Variants in DNAJC19 observed in about 807,000 individuals in gnomAD.
DNAJC19 encodes DnaJ heat shock protein family (Hsp40) member C19.
Under a neutral mutation model 19.8 loss-of-function variants are expected in DNAJC19, and 15 were observed. The ratio of observed to expected loss-of-function variants is 0.76; its 90% CI spans 0.51 to 1.17. The LOEUF (loss-of-function observed/expected upper bound fraction) is 1.17. DNAJC19 is among the 50% of genes most tolerant of loss of function. DNAJC19 has a pLI of 0.00. For missense variants in DNAJC19, 105 were observed against 140.9 expected, an observed-to-expected ratio of 0.75 and a Z score of 1.29; for synonymous variants, 38 against 42.1, an observed-to-expected ratio of 0.90 and a Z score of 0.38.
chr3:180,988,009 TAAC>T lies in DNAJC19; in HGVS notation c.129+11_129+13del. On this transcript the variant is annotated intron_variant, in intron 3 of 5. Coordinates refer to ENST00000382564, the MANE Select transcript of DNAJC19 (RefSeq NM_145261.4). ...GTTTCAAATAGAAGCAGCAAAGAATTAACAAAGTCTTACAGATTTTGGTAGGCT... is the reference window on the plus strand; with the variant it reads ...GTTTCAAATAGAAGCAGCAAAGAATTAAAGTCTTACAGATTTTGGTAGGCT... 6.2e-7 allele frequency: 1 copy of T among 1,614,072 alleles called. No individual in the cohort carries two copies. The highest frequency in any genetic ancestry group is 8.5e-7 in the Non-Finnish European group (1 of 1,179,940).
At chr3:180,987,434 G>A in intron 3 of DNAJC19, 1 of 255,318 alleles carries the variant, frequency 3.9e-6, no homozygotes, top group South Asian at 4.8e-5. Context: ...TATATATACA[G>A]AAAATACCAC....
intron 3 of DNAJC19, 31 bp downstream of exon 3, chr3:180,987,991 AT>A: frequency 6.2e-7 from 1 of 1,613,046 alleles, no homozygotes; most frequent in Non-Finnish European, 8.5e-7. Flanking sequence ...TAGGTTTCAA[AT>A]AGAAGCAGCA....
chr3:180,989,124 A>G lies in DNAJC19; in HGVS notation c.3+476T>C, dbSNP rs143411366. On this transcript the variant is annotated intron_variant, in intron 1 of 5. Transcript: ENST00000382564. ...TTCGAGGCTAAACGTGGGCTAAACT[A>G]GGAGACTAATACCTTTGGCACTGCC... is the stretch of plus-strand genomic sequence containing the variant. Among the ~76,000 whole-genome samples the G allele has an allele frequency of 6.5e-3, 993 of 152,284 alleles. 5 individuals are homozygous for G. Among genetic ancestry groups the G allele is most frequent in the Non-Finnish European group, 9.6e-3 (653 of 68,020 alleles).
upstream of DNAJC19, chr3:180,989,754 A>T: frequency 1.6e-6 from 2 of 1,284,080 alleles, no homozygotes; most frequent in Non-Finnish European, 2.2e-6. Flanking sequence ...GCAGCCGCAA[A>T]CTAGGCCGGA....
At chr3:180,989,436 A>C in intron 1 of DNAJC19, 164 bp downstream of exon 1, 1 of 1,474,972 alleles carries the variant, frequency 6.8e-7, no homozygotes, top group Non-Finnish European at 9.0e-7. Flanking sequence ...CAAGAGAGCG[A>C]GCCAACAGGG....
chr3:180,987,719 C>T (rs1356169235), intron 3 of DNAJC19: 3 of 415,626 alleles, frequency 7.2e-6, no homozygotes, highest in Non-Finnish European at 1.4e-5. Flanking sequence ...CGATGCAGAG[C>T]AGATGAAGGA....
In DNAJC19 at chr3:180,988,031, G is replaced by A; in HGVS notation, c.121C>T (p.Pro41Ser). 1 of 1,614,110 alleles carries A rather than the reference G, an allele frequency of 6.2e-7. No homozygotes were observed. Among genetic ancestry groups the A allele is most frequent in the South Asian group, 1.1e-5 (1 of 91,072 alleles). ...AATTAACAAAGTCTTACAGATTTTG[G>A]TAGGCTTTGAAAAACTTGTTTTACT... ...PQVKQVFQSL[P>S]KSAFSGGYYR... The change falls in exon 3 of 6, where the codon CCA (proline) becomes TCA (serine). Residue 41 changes from proline (P) to serine (S), a missense_variant. Pro to Ser is a moderately conservative substitution (Grantham distance 74, BLOSUM62 -1). Transcript: ENST00000382564.
intron 3 of DNAJC19, 106 bp downstream of exon 3, chr3:180,987,917 G>C: frequency 7.3e-7 from 1 of 1,360,718 alleles, no homozygotes; most frequent in Non-Finnish European, 1.0e-6. Flanking sequence ...AGGAGAATGG[G>C]TCCAAAGCAA....
Position 180,984,690 on chromosome 3 carries a change from CT to C in DNAJC19, c.300del (p.Ala101ProfsTer10), listed in dbSNP as rs587777224. The C allele has an allele frequency of 3.4e-5, 55 of 1,608,072 alleles. No individual in the cohort carries two copies. The highest frequency in any genetic ancestry group is 1.7e-6 in the Non-Finnish European group (2 of 1,176,050). On this transcript the variant is annotated frameshift_variant, in exon 6 of 6. Coordinates refer to ENST00000382564, the MANE Select transcript of DNAJC19 (RefSeq NM_145261.4). LOFTEE classifies it high-confidence loss of function. ...AAATCTTTAGCTTCATTGATTTTGG[CT>C]GCTATATAAGGAGATCCTCCTATAG... ...HPDKGGSPYI[A>X]AKINEAKDLL... is the part of the protein sequence containing the mutation.
rs1047323892 is a variant in DNAJC19 at position 180,984,156 on chromosome 3, T to G, written c.*484A>C. The G allele has an allele frequency of 2.2e-6, 1 of 454,012 alleles. No homozygotes were observed. The highest frequency in any genetic ancestry group is 2.0e-5 in the African/African-American group (1 of 50,022). 28.1% of individuals were successfully genotyped at this position (454,012 alleles called of 1,614,324 possible). ...GGTCTCAGTTGTGGTTAAATTCACT[T>G]TTAAATACAAGGTTCCAAGTATCCA... is the stretch of plus-strand genomic sequence containing the variant. On this transcript the variant is annotated 3_prime_UTR_variant, in exon 6 of 6. Transcript: ENST00000382564.
At position 180,986,291 on chromosome 3, in the gene DNAJC19, T is replaced by TG. The variant is rs113348683; in HGVS notation, c.210-296_210-295insC. Among the ~76,000 whole-genome samples, 4,773 of 151,766 alleles carry TG rather than the reference T, an allele frequency of 0.031. 263 individuals are homozygous for TG. The highest frequency in any genetic ancestry group is 0.11 in the African/African-American group (4,535 of 41,374). Reference sequence around the variant, plus strand: ...AATGAAGAAGGAAGAGTTTTGTTTTTTTTTTTTTTTGAGATAGTCTCACTC... The same window carrying TG: ...AATGAAGAAGGAAGAGTTTTGTTTTTGTTTTTTTTTTGAGATAGTCTCACTC... On this transcript the variant is annotated intron_variant, in intron 4 of 5. Coordinates refer to ENST00000382564, the MANE Select transcript of DNAJC19 (RefSeq NM_145261.4).
intron 1 of DNAJC19, among the ~76,000 whole-genome samples, chr3:180,988,790 C>T (rs1471578141): frequency 1.3e-5 from 2 of 150,890 alleles, no homozygotes; most frequent in East Asian, 3.9e-4. Flanking sequence ...ATCACTAGGT[C>T]GGGAGATCGA....
In DNAJC19 at chr3:180,985,930, G is replaced by T; in HGVS notation, c.276C>A (p.Asp92Glu). The change falls in exon 5 of 6, where the codon GAC (aspartate) becomes GAA (glutamate). Residue 92 changes from aspartate to glutamate, a missense_variant. Transcript: ENST00000382564. ...GAGAATTTAATGACTACTTACCTTT[G>T]TCAGGATGATTTAAAAGCATAATTC... is the stretch of plus-strand genomic sequence containing the variant. ...HRRIMLLNHP[D>E]KGGSPYIAAK... 2 of 1,612,916 alleles carry T rather than the reference G, an allele frequency of 1.2e-6. No individual in the cohort carries two copies. Among genetic ancestry groups the T allele is most frequent in the Non-Finnish European group, 1.7e-6 (2 of 1,179,260 alleles).
rs1456056655 is a variant in DNAJC19, at chr3:180,989,691, G to A, written c.-89C>T. ...CCAACACCTGCACGCCTTTACCAGA[G>A]AGCGACGCAACCCCCAACCTCAAGC... is the stretch of plus-strand genomic sequence containing the variant. On this transcript the variant is annotated 5_prime_UTR_variant, in exon 1 of 6. Coordinates refer to ENST00000382564, the MANE Select transcript of DNAJC19 (RefSeq NM_145261.4). 22 of 1,549,060 alleles carry A rather than the reference G, an allele frequency of 1.4e-5. No homozygotes were observed. The highest frequency in any genetic ancestry group is 1.7e-5 in the Non-Finnish European group (19 of 1,147,196).
chr3:180,987,106 A>C, intron 3 of DNAJC19, 84 bp from the exon 4 acceptor site: 1 of 1,188,636 alleles, frequency 8.4e-7, no homozygotes, highest in East Asian at 2.3e-5. Context: ...TCACAGAACT[A>C]AGAAAAACTA....
At position 180,983,862 on chromosome 3, in the gene DNAJC19, T is replaced by C. The variant is rs1714745252; in HGVS notation, c.*778A>G. ...GCAGAAGTTTGATTATGTCAAGAAA[T>C]AGCCAACTGAAGGAATAATTTATAA... On this transcript the variant is annotated 3_prime_UTR_variant, in exon 6 of 6. Transcript: ENST00000382564. 2.2e-6 allele frequency: 1 copy of C among 453,878 alleles called. No individual in the cohort carries two copies. The highest frequency in any genetic ancestry group is 4.4e-6 in the Non-Finnish European group (1 of 226,750). The allele number at this position is 453,878 out of a possible 1,614,324, so 28.1% of individuals were successfully genotyped here.
intron 1 of DNAJC19, among the ~76,000 whole-genome samples, chr3:180,988,862 T>G (rs780332549): frequency 1.3e-4 from 20 of 150,762 alleles, no homozygotes; most frequent in Non-Finnish European, 1.8e-4. Context: ...AAAAAAAAAT[T>G]AGCTGGGCGT....
chr3:180,988,989 C>T (rs1278949645), intron 1 of DNAJC19, among the ~76,000 whole-genome samples: 1 of 146,212 alleles, frequency 6.8e-6, no homozygotes, highest in East Asian at 2.0e-4. Context: ...GCCTAGGCGA[C>T]CGAGCAAGAC....
intron 4 of DNAJC19, 67 bp from the exon 5 acceptor site, chr3:180,986,063 A>C: frequency 7.7e-7 from 1 of 1,290,632 alleles, no homozygotes; most frequent in Non-Finnish European, 1.1e-6. Flanking sequence ...ACTGTACATA[A>C]AGGCCAATTA....
Sources: gnomAD v4.1 joint callset for allele counts (sites outside exome capture counted in the v4.1 genomes callset) on GRCh38, gnomAD v4.1.1 for gene constraint, MANE v1.5 for transcripts, NCBI Gene and HGNC (gene_info 2026-07-23, HGNC 2026-07-21) for gene names.